The following TENM4 variants were observed in gnomAD, a reference collection of about 807,000 sequenced individuals.
The protein encoded by TENM4 is teneurin transmembrane protein 4.
TENM4 carries 82 observed loss-of-function variants against 243.3 expected under a neutral mutation model. That is an observed-to-expected ratio of 0.34 (90% CI 0.28 to 0.40). TENM4 has a LOEUF of 0.40. Ranked by LOEUF, TENM4 falls within the 10% of genes least tolerant of loss-of-function variation. The probability of loss-of-function intolerance (pLI) is 1.00; values close to 1 mark genes in which losing one functional copy is unlikely to be tolerated. For missense variants in TENM4, 3,138 were observed against 3,673.3 expected (o/e 0.85, Z 3.77); for synonymous variants, 1,412 against 1,456.3 (o/e 0.97, Z 0.69).
intron 1 of TENM4, among the ~76,000 whole-genome samples, chr11:79,371,305 C>T (rs1378855539): frequency 6.6e-6 from 1 of 152,180 alleles, no homozygotes; most frequent in African/African-American, 2.4e-5. Flanking sequence ...CAGCAATTCC[C>T]ACTCAGGCCC....
chr11:79,180,366 G>A (rs1863257273), intron 3 of TENM4, among the ~76,000 whole-genome samples: 1 of 151,506 alleles, frequency 6.6e-6, no homozygotes, highest in Non-Finnish European at 1.5e-5. Context: ...AAACCTTATG[G>A]CACATACGAT....
chr11:78,940,358 A>G (rs1349966620), intron 6 of TENM4, among the ~76,000 whole-genome samples: 1 of 152,192 alleles, frequency 6.6e-6, no homozygotes, highest in Non-Finnish European at 1.5e-5. Context: ...TTTTGGAAAT[A>G]TTTCTTGACT....
chr11:79,285,384 T>G lies in TENM4; in HGVS notation c.-265+12104A>C, dbSNP rs546065457. 1.1e-4 allele frequency among the ~76,000 whole-genome samples: 17 copies of G among 152,224 alleles called. No individual in the cohort carries two copies. The South Asian group carries it at 3.3e-3, about 30-fold the overall frequency. On this transcript the variant is annotated intron_variant, in intron 2 of 33. Transcript: ENST00000278550. ...AGTATTGAAAAGGATGTAAAAAAAT[T>G]GGAAATGTCATACATTGCTGGTGGT...
chr11:78,723,799 C>A (rs991625867), intron 23 of TENM4, among the ~76,000 whole-genome samples: 1 of 152,184 alleles, frequency 6.6e-6, no homozygotes, highest in African/African-American at 2.4e-5. Flanking sequence ...AGGATCTTCT[C>A]CCAAACTGTT....
chr11:79,070,132 A>G, intron 4 of TENM4, 123 bp from the exon 5 acceptor site: 1 of 1,183,752 alleles, frequency 8.4e-7, no homozygotes, highest in African/African-American at 1.5e-5. Flanking sequence ...AGGAGAGGGT[A>G]CCGCTCCACC....
At chr11:79,314,550 T>C (rs1246575013) in intron 1 of TENM4, among the ~76,000 whole-genome samples, 1 of 152,216 alleles carries the variant, frequency 6.6e-6, no homozygotes, top group African/African-American at 2.4e-5. Context: ...CACAGTTCTG[T>C]TGTGAGTACT....
rs529815249 is a variant in TENM4, at chr11:79,416,875, G to A, written c.-321+23634C>T. Reference sequence around the variant, plus strand: ...GGATTTTGGTACATAACCAGACAATGGCAAAAAAAAAAGAAAAAAAAAGAC... The same window carrying A: ...GGATTTTGGTACATAACCAGACAATAGCAAAAAAAAAAGAAAAAAAAAGAC... On this transcript the variant is annotated intron_variant, in intron 1 of 33. Transcript: ENST00000278550. 2.4e-5 allele frequency among the ~76,000 whole-genome samples: 3 copies of A among 123,598 alleles called. No homozygotes were observed. The South Asian group carries it at 7.7e-4, about 32-fold the overall frequency. The allele number at this position is 123,598 out of a possible 152,430, so 81.1% of individuals were successfully genotyped here.
At chr11:79,065,696 G>A (rs1860226727) in intron 5 of TENM4, among the ~76,000 whole-genome samples, 1 of 152,194 alleles carries the variant, frequency 6.6e-6, no homozygotes, top group African/African-American at 2.4e-5. Context: ...TCTGCCTGCT[G>A]CTTCCTTATC....
chr11:78,955,669 C>A (rs1278519657), intron 6 of TENM4, among the ~76,000 whole-genome samples: 8 of 152,140 alleles, frequency 5.3e-5, no homozygotes, highest in African/African-American at 1.9e-4. Context: ...AATTAGAGGG[C>A]CCTGGTTCTC....
At position 78,672,468 on chromosome 11, in the gene TENM4, G is replaced by C. The variant is rs902758184; in HGVS notation, c.5497-139C>G. The C allele has an allele frequency of 1.2e-5, 11 of 890,986 alleles. No individual in the cohort carries two copies. The Admixed American group carries it at 2.8e-4, about 23-fold the overall frequency. The allele number at this position is 890,986 out of a possible 1,614,324, so 55.2% of individuals were successfully genotyped here. On this transcript the variant is annotated intron_variant, in intron 30 of 33. Coordinates refer to ENST00000278550, the MANE Select transcript of TENM4 (RefSeq NM_001098816.3). ...ACAGTCCTGCGCAGCAACAGACATG[G>C]GTTTGAATCCTGGCTCTGTCATTTG...
chr11:79,132,814 AACCTATCAAC>A (rs1340373562), intron 4 of TENM4, among the ~76,000 whole-genome samples: 1 of 152,180 alleles, frequency 6.6e-6, no homozygotes, highest in African/African-American at 2.4e-5. Context: ...ATAATGACAC[AACCTATCAAC>A]ACCTCTGGGA....
intron 6 of TENM4, among the ~76,000 whole-genome samples, chr11:78,969,815 A>G (rs944590194): frequency 2.6e-5 from 4 of 152,168 alleles, no homozygotes; most frequent in African/African-American, 9.6e-5. Context: ...CAGCCCTGTA[A>G]TTTAGAGGCT....
chr11:79,071,463 TGTGGGTGG>T (rs1402734558), intron 4 of TENM4, among the ~76,000 whole-genome samples: 1 of 77,610 alleles, frequency 1.3e-5, no homozygotes, highest in Non-Finnish European at 3.3e-5. Flanking sequence ...AAAGTGGGAG[TGTGGGTGG>T]GAGTGTCTGG....
intron 1 of TENM4, among the ~76,000 whole-genome samples, chr11:79,321,130 C>A (rs7129664): frequency 6.6e-6 from 1 of 152,270 alleles, no homozygotes; most frequent in South Asian, 2.1e-4. Flanking sequence ...AGTCCCTTGG[C>A]CTCTCTGTGC....
chr11:79,019,875 A>C (rs1858882141), intron 6 of TENM4, among the ~76,000 whole-genome samples: 1 of 152,152 alleles, frequency 6.6e-6, no homozygotes. Flanking sequence ...TTGCATCTTG[A>C]AAGGTAAGCC....
Position 79,215,909 on chromosome 11 carries a change from T to C in TENM4, c.-264A>G, listed in dbSNP as rs1864043929. On this transcript the variant is annotated splice_region_variant and 5_prime_UTR_variant, in exon 3 of 34. Transcript: ENST00000278550. ...TCCTGGAGGATGGTGCGGGATCTTT[T>C]CTGTTGAAGCAGAGAACACAGATCC... 1.0e-6 allele frequency: 1 copy of C among 975,702 alleles called. No individual in the cohort carries two copies. Among genetic ancestry groups the C allele is most frequent in the Non-Finnish European group, 1.2e-6 (1 of 820,890 alleles). 60.4% of individuals were successfully genotyped at this position (975,702 alleles called of 1,614,324 possible). A position where few individuals can be genotyped will look rare whatever the true frequency, so the allele number is the denominator to read the frequency against.
chr11:78,816,012 C>A (rs1857597907), intron 12 of TENM4, among the ~76,000 whole-genome samples: 1 of 152,210 alleles, frequency 6.6e-6, no homozygotes, highest in South Asian at 2.1e-4. Context: ...TAGGATCCCC[C>A]AACTTCCCAC....
chr11:79,172,082 G>T (rs1454492511), intron 3 of TENM4, among the ~76,000 whole-genome samples: 1 of 152,178 alleles, frequency 6.6e-6, no homozygotes, highest in Non-Finnish European at 1.5e-5. Flanking sequence ...TTTCTGAGTA[G>T]CTGGGACTAC....
At chr11:78,715,218 A>G (rs1000676696) in intron 25 of TENM4, among the ~76,000 whole-genome samples, 3 of 152,212 alleles carry the variant, frequency 2.0e-5, no homozygotes, top group Admixed American at 1.3e-4. Flanking sequence ...AGCTTCCCAG[A>G]TGACATCAAT....
Sources: allele counts gnomAD v4.1 joint callset (sites outside exome capture counted in the v4.1 genomes callset), GRCh38; gene constraint gnomAD v4.1.1; transcripts MANE v1.5; gene names NCBI Gene and HGNC (gene_info 2026-07-23, HGNC 2026-07-21).